The following PTPRA variants were observed in gnomAD, a reference collection of about 807,000 sequenced individuals.
The protein encoded by PTPRA is protein tyrosine phosphatase receptor type A.
Under a neutral mutation model 104.8 loss-of-function variants are expected in PTPRA, and 25 were observed. The observed-to-expected ratio is 0.24, with a 90% confidence interval of 0.17 to 0.33. PTPRA has a LOEUF of 0.33. Ranked by LOEUF, PTPRA falls within the 10% of genes least tolerant of loss-of-function variation. PTPRA has a pLI of 1.00. For missense variants in PTPRA, 765 were observed against 1,015.3 expected, an observed-to-expected ratio of 0.75 and a Z score of 3.35; for synonymous variants, 323 against 368.9, an observed-to-expected ratio of 0.88 and a Z score of 1.43.
chr20:2,956,098 T>C (rs915531994), intron 3 of PTPRA, among the ~76,000 whole-genome samples: 1 of 152,178 alleles, frequency 6.6e-6, no homozygotes, highest in Non-Finnish European at 1.5e-5. Context: ...CTCTTCTCAG[T>C]CTCCTTTAGA....
intron 2 of PTPRA, among the ~76,000 whole-genome samples, chr20:2,925,727 A>AT (rs1463895604): frequency 6.6e-6 from 1 of 152,170 alleles, no homozygotes; most frequent in Non-Finnish European, 1.5e-5. Context: ...AGGCAGGAGA[A>AT]TCGCTTGAAC....
In PTPRA at chr20:2,965,044, A is replaced by C. The variant is rs768434788; in HGVS notation, c.257A>C (p.Asn86Thr). 6.2e-7 allele frequency: 1 copy of C among 1,614,010 alleles called. No individual in the cohort carries two copies. Among genetic ancestry groups the C allele is most frequent in the Non-Finnish European group, 8.5e-7 (1 of 1,179,986 alleles). The change falls in exon 5 of 24, where the codon AAT becomes ACT. Residue 86 changes from asparagine (N) to threonine (T), a missense_variant. By Grantham distance (65) the Asn-to-Thr change is moderately conservative. Transcript: ENST00000399903. ...LTTVNSSDSD[N>T]GTTRTASTNS... Reference sequence around the variant, plus strand: ...ACTGTCAATTCTTCAGACTCTGACAATGGGACCACAAGAACAGCAAGCACC... The same window carrying C: ...ACTGTCAATTCTTCAGACTCTGACACTGGGACCACAAGAACAGCAAGCACC...
intron 1 of PTPRA, among the ~76,000 whole-genome samples, chr20:2,910,609 A>G (rs935050731): frequency 3.7e-5 from 1 of 27,014 alleles, no homozygotes; most frequent in Non-Finnish European, 6.3e-5. Context: ...TGTTTTTTTT[A>G]ATTTTTTTTT....
At chr20:2,969,208 A>C (rs1197199511) in intron 5 of PTPRA, among the ~76,000 whole-genome samples, 2 of 149,638 alleles carry the variant, frequency 1.3e-5, no homozygotes, top group African/African-American at 2.5e-5. Context: ...CCGAGACTCT[A>C]TCTCAAAAAA....
chr20:2,922,371 A>T (rs968264336), intron 1 of PTPRA, among the ~76,000 whole-genome samples: 1 of 151,926 alleles, frequency 6.6e-6, no homozygotes, highest in Non-Finnish European at 1.5e-5. Context: ...ATGGAGTCTC[A>T]CTCTGTTGCC....
intron 1 of PTPRA, among the ~76,000 whole-genome samples, chr20:2,899,344 C>T (rs2059140212): frequency 6.6e-6 from 1 of 152,124 alleles, no homozygotes; most frequent in Admixed American, 6.6e-5. Flanking sequence ...ATGTGTTACT[C>T]ACAGTTCTTC....
rs761955742 is a variant in PTPRA, at chr20:3,035,817, T to G, written c.2074T>G (p.Phe692Val). 6.2e-7 allele frequency: 1 copy of G among 1,614,200 alleles called. No homozygotes were observed. Among genetic ancestry groups the G allele is most frequent in the Non-Finnish European group, 8.5e-7 (1 of 1,180,028 alleles). Residue 692 changes from phenylalanine to valine, a missense_variant, in exon 22 of 24, where the codon TTC becomes GTC. Phe to Val is a conservative substitution (Grantham distance 50). Around this residue, in one of 4 missense-constraint regions of PTPRA, gnomAD observed 192 missense variants for 227.0 expected, o/e 0.85. Transcript: ENST00000399903. This position sits in a 1 kb window ranked among gnomAD's most constrained non-coding sequence, Gnocchi z 5.8. Reference protein sequence around the residue: ...RENKSRQIRQFHFHGWPEVGI... With the variant: ...RENKSRQIRQVHFHGWPEVGI... ...GAATAAGAGCCGGCAGATCCGGCAG[T>G]TCCACTTCCATGGCTGGCCTGAAGT...
intron 1 of PTPRA, among the ~76,000 whole-genome samples, chr20:2,875,640 A>G (rs887073428): frequency 7.2e-5 from 11 of 152,178 alleles, no homozygotes; most frequent in Admixed American, 1.3e-4. Flanking sequence ...AATAATAGCT[A>G]TTTTTTATTT....
rs1482025463 is a variant in PTPRA at position 2,965,374 on chromosome 20, G to C, written c.415+172G>C. Among the ~76,000 whole-genome samples, 5 of 152,320 alleles carry C rather than the reference G, an allele frequency of 3.3e-5. No individual in the cohort carries two copies. In the East Asian group the frequency reaches 7.7e-4, roughly 24 times the overall value. The stretch of plus-strand genomic sequence containing the variant: ...GTTAGCATGAGTGAAGAGGAAAGAA[G>C]AAAGATTCTGGAGAATATCTTTCTG... On this transcript the variant is annotated intron_variant, in intron 5 of 23. Transcript: ENST00000399903.
At chr20:2,985,872 C>T (rs1440074879) in intron 6 of PTPRA, among the ~76,000 whole-genome samples, 1 of 147,200 alleles carries the variant, frequency 6.8e-6, no homozygotes, top group Non-Finnish European at 1.5e-5. Flanking sequence ...AGCCGCCACA[C>T]CCAGCTGTCT....
At chr20:2,874,442 A>G (rs2089581634) in intron 1 of PTPRA, among the ~76,000 whole-genome samples, 1 of 151,620 alleles carries the variant, frequency 6.6e-6, no homozygotes, top group African/African-American at 2.4e-5. Flanking sequence ...TTTCGTTTTT[A>G]TTTTTGAGAT....
intron 1 of PTPRA, among the ~76,000 whole-genome samples, chr20:2,894,877 C>T (rs2058935910): frequency 6.6e-6 from 1 of 151,262 alleles, no homozygotes; most frequent in South Asian, 2.1e-4. Flanking sequence ...GTCCCAGCTA[C>T]TCGGGAGGCT....
chr20:2,974,096 G>A (rs1210721021), intron 5 of PTPRA, among the ~76,000 whole-genome samples: 1 of 150,732 alleles, frequency 6.6e-6, no homozygotes, highest in Non-Finnish European at 1.5e-5. Context: ...GACTACAGGC[G>A]TACACCACCA....
intron 9 of PTPRA, among the ~76,000 whole-genome samples, chr20:2,999,527 A>T (rs922133125): frequency 6.6e-6 from 1 of 152,230 alleles, no homozygotes; most frequent in Non-Finnish European, 1.5e-5. Context: ...CAGTGGAATG[A>T]AATAAAGAGC....
intron 9 of PTPRA, among the ~76,000 whole-genome samples, chr20:2,997,818 GAAAC>G (rs1265615900): frequency 6.6e-6 from 1 of 152,150 alleles, no homozygotes; most frequent in Non-Finnish European, 1.5e-5. Context: ...GGTTTAAAAA[GAAAC>G]AAAAAGATAA....
rs758970862 is a variant in PTPRA, at chr20:3,005,126, G to T, written c.809G>T (p.Arg270Leu). 6.2e-7 allele frequency: 1 copy of T among 1,605,424 alleles called. No individual in the cohort carries two copies. The highest frequency in any genetic ancestry group is 8.5e-7 in the Non-Finnish European group (1 of 1,172,192). ...AAGGAGGAAAACAAGGAAAAAAATC[G>T]ATATGTAAACATCTTGCCTTGTGAG... ...ASKEENKEKNRYVNILPYDHS... is the reference protein window; with the variant it reads ...ASKEENKEKNLYVNILPYDHS... Residue 270 changes from arginine (R) to leucine (L), a missense_variant, in exon 10 of 24, where the codon CGA becomes CTA. This residue lies in a region of PTPRA where 245 missense variants were observed against 398.7 expected (regional missense o/e 0.61). Coordinates refer to ENST00000399903, the MANE Select transcript of PTPRA (RefSeq NM_001385305.1).
chr20:3,019,723 T>G lies in PTPRA; in HGVS notation c.1042-1586T>G, dbSNP rs530493318. ...GGCGCTTTGGGAGGCCAAAGCAGGCTGCTGGGAGGTGGAGGTTGTAGCGAG... is the reference window on the plus strand; with the variant it reads ...GGCGCTTTGGGAGGCCAAAGCAGGCGGCTGGGAGGTGGAGGTTGTAGCGAG... On this transcript the variant is annotated intron_variant, in intron 13 of 23. Transcript: ENST00000399903. 6.9e-3 allele frequency among the ~76,000 whole-genome samples: 1,051 copies of G among 152,152 alleles called. 4 individuals carry two copies. Among genetic ancestry groups the G allele is most frequent in the Middle Eastern group, 0.027 (8 of 294 alleles).
In PTPRA at chr20:3,035,620, G is replaced by A. The variant is rs373916872; in HGVS notation, c.1956G>A (p.Leu652=). 5 of 1,613,276 alleles carry A rather than the reference G, an allele frequency of 3.1e-6. No homozygotes were observed. The highest frequency in any genetic ancestry group is 4.2e-6 in the Non-Finnish European group (5 of 1,179,240). The change falls in exon 21 of 24, where the codon CTG becomes CTA. Residue 652 remains leucine (L), a synonymous_variant. Coordinates refer to ENST00000399903, the MANE Select transcript of PTPRA (RefSeq NM_001385305.1). The surrounding 1 kb of genome is among the most constrained non-coding windows in gnomAD (Gnocchi z 5.8). ...KCAQYWPSDG[L]VSYGDITVEL... Reference sequence around the variant, plus strand: ...CCCAGTACTGGCCATCTGATGGACTGGTGTCCTATGGAGATATTACAGTGG... The same window carrying A: ...CCCAGTACTGGCCATCTGATGGACTAGTGTCCTATGGAGATATTACAGTGG...
chr20:3,033,029 T>C (rs1423943248), intron 20 of PTPRA, among the ~76,000 whole-genome samples: 4 of 151,944 alleles, frequency 2.6e-5, no homozygotes, highest in Admixed American at 6.6e-5. Context: ...TCCTTTGTTA[T>C]TTCTTTGTGA....
Sources: allele counts gnomAD v4.1 joint callset (sites outside exome capture counted in the v4.1 genomes callset), GRCh38; gene constraint gnomAD v4.1.1; regional missense constraint gnomAD v4.1.1; non-coding constraint Gnocchi (gnomAD v3.1); transcripts MANE v1.5; gene names NCBI Gene and HGNC (gene_info 2026-07-23, HGNC 2026-07-21).